Variants in PTPN3 observed in about 807,000 individuals in gnomAD.
The protein encoded by PTPN3 is protein tyrosine phosphatase non-receptor type 3.
Under a neutral mutation model 132.7 loss-of-function variants are expected in PTPN3, and 96 were observed. The observed-to-expected ratio is 0.72, with a 90% CI of 0.61 to 0.86. The LOEUF (loss-of-function observed/expected upper bound fraction) is 0.86. Among genes scored for constraint, PTPN3 ranks in the 40% least tolerant of loss-of-function variants. PTPN3 has a pLI of 0.00. For missense variants in PTPN3, 1,125 were observed against 1,159.6 expected (o/e 0.97, Z 0.43); for synonymous variants, 398 against 429.0 (o/e 0.93, Z 0.89).
At chr9:109,405,863 G>A (rs1841519006) in intron 18 of PTPN3, among the ~76,000 whole-genome samples, 1 of 152,214 alleles carries the variant, frequency 6.6e-6, no homozygotes, top group Admixed American at 6.5e-5. Context: ...TGGGATTACA[G>A]GTGTGAGCCA....
Position 109,377,257 on chromosome 9 carries a change from T to C in PTPN3, c.*2299A>G, listed in dbSNP as rs1838634916. 1 of 152,140 alleles carries C rather than the reference T, an allele frequency of 6.6e-6. No individual in the cohort carries two copies. The highest frequency in any genetic ancestry group is 6.5e-5 in the Admixed American group (1 of 15,278). The allele number at this position is 152,140 out of a possible 1,614,324, so 9.4% of individuals were successfully genotyped here. A position where few individuals can be genotyped will look rare whatever the true frequency, so the allele number is the denominator to read the frequency against. On this transcript the variant is annotated 3_prime_UTR_variant, in exon 26 of 26. Transcript: ENST00000374541. Reference sequence around the variant, plus strand: ...TCTTCTAGAAGAGCATTTTCTATTTTCCTCTCATAAAAACCCAGTTAGGCT... The same window carrying C: ...TCTTCTAGAAGAGCATTTTCTATTTCCCTCTCATAAAAACCCAGTTAGGCT...
chr9:109,405,065 G>T (rs534570902), intron 18 of PTPN3, among the ~76,000 whole-genome samples: 8 of 152,158 alleles, frequency 5.3e-5, no homozygotes, highest in Admixed American at 2.0e-4. Flanking sequence ...TCATTCCTGA[G>T]AGCTCAATCC....
At chr9:109,529,037 T>C in the PTPN3 span, among the ~76,000 whole-genome samples, 77 of 152,320 alleles carry the variant, frequency 5.1e-4, no homozygotes, top group Non-Finnish European at 1.0e-3. Context: ...CCTCCCATCA[T>C]CGTGGGGGAA....
chr9:109,450,088 C>T (rs1415434069), intron 5 of PTPN3: 2 of 984,476 alleles, frequency 2.0e-6, no homozygotes, highest in East Asian at 1.1e-4. Flanking sequence ...TAAAAAAACT[C>T]ACTATGCTAC....
chr9:109,454,408 T>G (rs1182153584), intron 5 of PTPN3, 88 bp downstream of exon 5: 3 of 1,108,734 alleles, frequency 2.7e-6, no homozygotes, highest in Non-Finnish European at 1.4e-6. Flanking sequence ...ATGAAGTTAT[T>G]TGGCCATAGT....
chr9:109,501,803 G>C, upstream of PTPN3, among the ~76,000 whole-genome samples: 1 of 152,228 alleles, frequency 6.6e-6, no homozygotes, highest in East Asian at 1.9e-4. Context: ...TTTGGAGGCA[G>C]GATCACAACA....
the PTPN3 span, among the ~76,000 whole-genome samples, chr9:109,510,998 C>A: frequency 2.0e-5 from 3 of 151,770 alleles, no homozygotes; most frequent in Admixed American, 1.3e-4. Flanking sequence ...TAAAAAAATC[C>A]ATGTAATCAA....
chr9:109,426,936 T>C lies in PTPN3; in HGVS notation c.1001+14A>G. On this transcript the variant is annotated intron_variant, in intron 12 of 25. Transcript: ENST00000374541. ...CTCAGCCTAGTGTGGACACAGTCTT[T>C]ACAGCACACTCACTTTTTGGTGTTC... The C allele has an allele frequency of 6.2e-7, 1 of 1,600,324 alleles. No homozygotes were observed. The highest frequency in any genetic ancestry group is 8.6e-7 in the Non-Finnish European group (1 of 1,167,778).
the PTPN3 span, among the ~76,000 whole-genome samples, chr9:109,504,972 G>A: frequency 6.6e-6 from 1 of 152,108 alleles, no homozygotes; most frequent in African/African-American, 2.4e-5. Flanking sequence ...TTCATATACT[G>A]AAAACAAAGA....
chr9:109,486,177 C>T (rs558939292), intron 1 of PTPN3, among the ~76,000 whole-genome samples: 3 of 152,246 alleles, frequency 2.0e-5, no homozygotes, highest in South Asian at 2.1e-4. Flanking sequence ...AGTACAGGAC[C>T]CAGCCCAAAC....
chr9:109,425,488 A>T (rs1360300534), intron 12 of PTPN3, among the ~76,000 whole-genome samples: 4 of 152,098 alleles, frequency 2.6e-5, no homozygotes, highest in Admixed American at 6.5e-5. Context: ...AGGCAGGCAG[A>T]TCACCTGAGG....
At chr9:109,413,922 C>T (rs554851934) in intron 14 of PTPN3, among the ~76,000 whole-genome samples, 150 of 152,254 alleles carry the variant, frequency 9.9e-4, no homozygotes, top group African/African-American at 3.5e-3. Context: ...TAAAGACCTC[C>T]CCGCCCCGCC....
intron 1 of PTPN3, among the ~76,000 whole-genome samples, chr9:109,485,548 A>G (rs1588502178): frequency 6.6e-6 from 1 of 152,236 alleles, no homozygotes; most frequent in Admixed American, 6.5e-5. Context: ...AAAAGTAAAA[A>G]TAAAAAGAGT....
In PTPN3 at chr9:109,427,137, A is replaced by C; in HGVS notation, c.829-15T>G. The stretch of plus-strand genomic sequence containing the variant: ...CTGGATTCAGCCTGGGAGGAAAAAC[A>C]GTCAAGATTTCACCCACACAGACAT... On this transcript the variant is annotated splice_polypyrimidine_tract_variant and intron_variant, in intron 11 of 25. Transcript: ENST00000374541. 2 of 1,613,224 alleles carry C rather than the reference A, an allele frequency of 1.2e-6. No individual in the cohort carries two copies. Among genetic ancestry groups the C allele is most frequent in the Middle Eastern group, 1.6e-4 (1 of 6,062 alleles).
At chr9:109,427,248 C>G in intron 11 of PTPN3, 126 bp from the exon 12 acceptor site, 1 of 1,013,892 alleles carries the variant, frequency 9.9e-7, no homozygotes. Context: ...TTCAAAATGC[C>G]GTGGCCACAA....
intron 16 of PTPN3, 77 bp downstream of exon 16, chr9:109,409,922 C>T (rs1284088703): frequency 3.9e-6 from 6 of 1,554,766 alleles, no homozygotes; most frequent in Non-Finnish European, 5.2e-6. Context: ...GAATGCAGCA[C>T]ATTTGTAATG....
At chr9:109,529,460 C>T in the PTPN3 span, among the ~76,000 whole-genome samples, 332 of 152,252 alleles carry the variant, frequency 2.2e-3, no homozygotes, top group Non-Finnish European at 1.7e-3. Context: ...AAAATCACTC[C>T]TCCTCCTTAA....
rs1188133261 is a variant in PTPN3, at chr9:109,377,931, T to A, written c.*1625A>T. ...TTCTGGTGGTTTCTTGTTTTCAATATGGGGTTATGGTACTGTGTGACATCT... is the reference window on the plus strand; with the variant it reads ...TTCTGGTGGTTTCTTGTTTTCAATAAGGGGTTATGGTACTGTGTGACATCT... On this transcript the variant is annotated 3_prime_UTR_variant, in exon 26 of 26. Transcript: ENST00000374541. 3 of 152,218 alleles carry A rather than the reference T, an allele frequency of 2.0e-5. No homozygotes were observed. Among genetic ancestry groups the A allele is most frequent in the Non-Finnish European group, 2.9e-5 (2 of 68,034 alleles). 9.4% of individuals were successfully genotyped at this position (152,218 alleles called of 1,614,324 possible).
intron 23 of PTPN3, 123 bp from the exon 24 acceptor site, chr9:109,382,570 G>A: frequency 9.0e-7 from 1 of 1,107,550 alleles, no homozygotes; most frequent in Non-Finnish European, 1.3e-6. Flanking sequence ...CAGCCCTGCT[G>A]TGGCCCCTAG....
Sources: gnomAD v4.1 joint callset for allele counts (sites outside exome capture counted in the v4.1 genomes callset) on GRCh38, gnomAD v4.1.1 for gene constraint, MANE v1.5 for transcripts, NCBI Gene and HGNC (gene_info 2026-07-23, HGNC 2026-07-21) for gene names.